The following SYTL3 variants were observed in gnomAD, a reference collection of about 807,000 sequenced individuals.
SYTL3 encodes synaptotagmin-like protein 3.
A neutral mutation model predicts 82.1 loss-of-function variants in SYTL3; 88 were observed. That is an observed-to-expected ratio of 1.07 (90% CI 0.90 to 1.28). SYTL3 has a LOEUF of 1.28. Ranked by LOEUF, SYTL3 falls within the 50% of genes most tolerant of loss-of-function variation. SYTL3 has a pLI of 0.00. For missense variants in SYTL3, 831 were observed against 757.6 expected, an observed-to-expected ratio of 1.10 and a Z score of -1.14; for synonymous variants, 311 against 289.4, an observed-to-expected ratio of 1.07 and a Z score of -0.76.
chr6:158,704,565 G>A (rs901080471), intron 6 of SYTL3, among the ~76,000 whole-genome samples: 4 of 152,366 alleles, frequency 2.6e-5, no homozygotes, highest in East Asian at 3.9e-4. Context: ...AGGCAGGGCC[G>A]GCCTCACCGG....
intron 13 of SYTL3, among the ~76,000 whole-genome samples, chr6:158,754,832 G>A (rs1431311643): frequency 1.3e-5 from 2 of 152,230 alleles, no homozygotes; most frequent in Non-Finnish European, 1.5e-5. Flanking sequence ...GCTGAGCGTC[G>A]CCCACACACA....
intron 11 of SYTL3, among the ~76,000 whole-genome samples, chr6:158,730,541 C>T (rs780184658): frequency 6.6e-6 from 1 of 152,132 alleles, no homozygotes; most frequent in Non-Finnish European, 1.5e-5. Context: ...CATGAGGAGG[C>T]GCCCCACTGC....
intron 6 of SYTL3, among the ~76,000 whole-genome samples, chr6:158,690,507 T>C (rs1254749659): frequency 2.0e-5 from 3 of 152,164 alleles, no homozygotes; most frequent in African/African-American, 7.2e-5. Flanking sequence ...CAATTTAAGA[T>C]AAAATGCCCC....
intron 6 of SYTL3, among the ~76,000 whole-genome samples, chr6:158,704,287 G>GC (rs1781698076): frequency 6.6e-6 from 1 of 152,224 alleles, no homozygotes; most frequent in Non-Finnish European, 1.5e-5. Context: ...GCTGTGACGG[G>GC]CCCCTCCCTG....
At chr6:158,742,177 C>CA (rs1246948439) in intron 11 of SYTL3, among the ~76,000 whole-genome samples, 205 of 151,900 alleles carry the variant, frequency 1.3e-3, no homozygotes, top group African/African-American at 4.7e-3. Context: ...CCATTATTAG[C>CA]AAAAAAATAA....
rs944851246 is a variant in SYTL3, at chr6:158,752,017, A to G, written c.1124A>G (p.Gln375Arg). Residue 375 changes from glutamine to arginine, a missense_variant, in exon 13 of 18, where the codon CAG becomes CGG. By Grantham distance (43) the Gln-to-Arg change is conservative. Transcript: ENST00000611299. ...VQRNTVDPTF[Q>R]ETLKYQVAPA... The stretch of plus-strand genomic sequence containing the variant: ...AGGAACACCGTGGACCCGACCTTTC[A>G]GGAGACCTTGAAGGTACTTGCTGGA... 1.3e-6 allele frequency: 2 copies of G among 1,596,348 alleles called. No homozygotes were observed. The highest frequency in any genetic ancestry group is 2.7e-5 in the African/African-American group (2 of 73,834).
chr6:158,673,440 A>ATTTTT (rs553781177), intron 5 of SYTL3, among the ~76,000 whole-genome samples: 2 of 134,506 alleles, frequency 1.5e-5, no homozygotes, highest in Non-Finnish European at 1.6e-5. Flanking sequence ...TGGGAATAGC[A>ATTTTT]TTTTTTTTTT....
intron 5 of SYTL3, among the ~76,000 whole-genome samples, chr6:158,673,100 T>C (rs755785164): frequency 2.0e-5 from 3 of 152,098 alleles, no homozygotes; most frequent in Non-Finnish European, 4.4e-5. Flanking sequence ...CTGGCTGATA[T>C]AGATATGTTT....
chr6:158,750,161 G>T (rs1207338079), intron 12 of SYTL3, among the ~76,000 whole-genome samples: 1 of 152,188 alleles, frequency 6.6e-6, no homozygotes, highest in Non-Finnish European at 1.5e-5. Flanking sequence ...TATACAGAAT[G>T]ATCCCATTTA....
chr6:158,677,705 CAAAA>C (rs56865775), intron 5 of SYTL3, among the ~76,000 whole-genome samples: 8 of 68,116 alleles, frequency 1.2e-4, no homozygotes, highest in Non-Finnish European at 2.2e-4. Flanking sequence ...AACTCTGTCT[CAAAA>C]AAAAAAAAAA....
At chr6:158,663,915 T>A (rs565574888) in intron 4 of SYTL3, among the ~76,000 whole-genome samples, 13 of 152,122 alleles carry the variant, frequency 8.5e-5, no homozygotes, top group Non-Finnish European at 1.6e-4. Context: ...TTAGCCTGTT[T>A]CCTGACCGCT....
At chr6:158,707,130 A>G in intron 6 of SYTL3, 100 bp from the exon 7 acceptor site, 1 of 1,213,018 alleles carries the variant, frequency 8.2e-7, no homozygotes, top group South Asian at 1.3e-5. Flanking sequence ...ATCACAAGAA[A>G]TGATACTAGA....
At chr6:158,719,869 T>C (rs1783869670) in intron 10 of SYTL3, among the ~76,000 whole-genome samples, 1 of 151,244 alleles carries the variant, frequency 6.6e-6, no homozygotes, top group South Asian at 2.1e-4. Context: ...GTGGGCAGAT[T>C]GCTTGAGCCA....
chr6:158,733,359 C>G (rs576443305), intron 11 of SYTL3, among the ~76,000 whole-genome samples: 2 of 152,188 alleles, frequency 1.3e-5, no homozygotes, highest in African/African-American at 4.8e-5. Flanking sequence ...TAGAGTCTTG[C>G]TCTGTCACCA....
rs529541586 is a variant in SYTL3, at chr6:158,671,525, G to A, written c.329+5912G>A. Among the ~76,000 whole-genome samples, 54 of 152,130 alleles carry A rather than the reference G, an allele frequency of 3.5e-4. No homozygotes were observed. The South Asian group carries it at 0.011, about 32-fold the overall frequency. On this transcript the variant is annotated intron_variant, in intron 5 of 17. Transcript: ENST00000611299. ...CATGCCTGTAATCCCATCACTTTGG[G>A]AGGCTGAGGCGGGTAGATCACTTGA...
intron 11 of SYTL3, among the ~76,000 whole-genome samples, chr6:158,729,470 T>C (rs1262943699): frequency 6.6e-6 from 1 of 152,136 alleles, no homozygotes; most frequent in East Asian, 1.9e-4. Flanking sequence ...CTTCATACTA[T>C]CACATTGGCA....
At chr6:158,736,926 C>G (rs1562443904) in intron 11 of SYTL3, among the ~76,000 whole-genome samples, 1 of 151,118 alleles carries the variant, frequency 6.6e-6, no homozygotes, top group Non-Finnish European at 1.5e-5. Flanking sequence ...TGGGGCACTT[C>G]TGAAGTCCTG....
intron 11 of SYTL3, among the ~76,000 whole-genome samples, chr6:158,741,138 G>C (rs1786874365): frequency 6.6e-6 from 1 of 152,194 alleles, no homozygotes; most frequent in African/African-American, 2.4e-5. Context: ...TGCCATCTCA[G>C]CTCACTGCAA....
intron 5 of SYTL3, among the ~76,000 whole-genome samples, chr6:158,679,907 C>G (rs1289000058): frequency 6.6e-6 from 1 of 152,094 alleles, no homozygotes; most frequent in Non-Finnish European, 1.5e-5. Context: ...TCGATGTTGT[C>G]CCCCTGTCTG....
Sources: allele counts gnomAD v4.1 joint callset (sites outside exome capture counted in the v4.1 genomes callset), GRCh38; gene constraint gnomAD v4.1.1; transcripts MANE v1.5; gene names NCBI Gene and HGNC (gene_info 2026-07-23, HGNC 2026-07-21).